Variants in CDH13 observed in about 807,000 individuals in gnomAD.
CDH13 encodes cadherin-13.
In CDH13, 24 loss-of-function variants were observed where a neutral mutation model predicts 63.8. The observed-to-expected ratio is 0.38, with a 90% CI of 0.27 to 0.53. The LOEUF (loss-of-function observed/expected upper bound fraction) is 0.53. CDH13 is among the 20% of genes least tolerant of loss of function. The pLI, the probability that CDH13 is intolerant of heterozygous loss-of-function variation, is 0.85. For synonymous variants in CDH13, 503 were observed against 355.3 expected, an observed-to-expected ratio of 1.42 and a Z score of -4.67; for missense variants, 1,049 against 903.1, an observed-to-expected ratio of 1.16 and a Z score of -2.07.
chr16:83,430,463 TC>T (rs1471861483), intron 6 of CDH13, among the ~76,000 whole-genome samples: 1 of 152,206 alleles, frequency 6.6e-6, no homozygotes, highest in Non-Finnish European at 1.5e-5. Flanking sequence ...CTTATTTACT[TC>T]CACTTTATTC....
intron 5 of CDH13, among the ~76,000 whole-genome samples, chr16:83,323,505 G>T (rs537425272): frequency 6.6e-6 from 1 of 151,560 alleles, no homozygotes; most frequent in South Asian, 2.1e-4. Context: ...GCTCTCAAAC[G>T]CCTGACTTCA....
chr16:83,757,347 G>A (rs1913593791), intron 11 of CDH13, among the ~76,000 whole-genome samples: 1 of 152,140 alleles, frequency 6.6e-6, no homozygotes. Context: ...GGAGGCTGAG[G>A]CGGGTGAATC....
At chr16:83,653,801 G>C (rs942532864) in intron 8 of CDH13, among the ~76,000 whole-genome samples, 5 of 152,082 alleles carry the variant, frequency 3.3e-5, no homozygotes, top group Non-Finnish European at 5.9e-5. Flanking sequence ...CCCACATAGG[G>C]ACAACACTCA....
At chr16:83,736,312 C>T (rs539181585) in intron 10 of CDH13, among the ~76,000 whole-genome samples, 1 of 152,186 alleles carries the variant, frequency 6.6e-6, no homozygotes, top group African/African-American at 2.4e-5. Flanking sequence ...AATCGGATAG[C>T]TTCTGAAGTC....
At chr16:83,605,197 G>T (rs550514517) in intron 8 of CDH13, among the ~76,000 whole-genome samples, 4 of 152,306 alleles carry the variant, frequency 2.6e-5, no homozygotes, top group East Asian at 3.9e-4. Context: ...AAAAGGCAGA[G>T]CTGATACCTA....
intron 5 of CDH13, among the ~76,000 whole-genome samples, chr16:83,261,001 A>T (rs1212496232): frequency 6.6e-6 from 1 of 152,022 alleles, no homozygotes; most frequent in Non-Finnish European, 1.5e-5. Context: ...AGGCCATTGG[A>T]CTGAAGCAGC....
chr16:83,607,187 G>A (rs1194644213), intron 8 of CDH13, among the ~76,000 whole-genome samples: 7 of 152,274 alleles, frequency 4.6e-5, no homozygotes, highest in African/African-American at 1.4e-4. Flanking sequence ...GGAGGCCGAG[G>A]TGGGTGGATC....
chr16:82,751,118 A>C (rs1383480196), intron 1 of CDH13, among the ~76,000 whole-genome samples: 3 of 152,098 alleles, frequency 2.0e-5, no homozygotes, highest in African/African-American at 7.2e-5. Flanking sequence ...AATCTTCAGT[A>C]TGTGCTTTTA....
At chr16:83,445,059 G>A (rs567584274) in intron 6 of CDH13, among the ~76,000 whole-genome samples, 5 of 152,044 alleles carry the variant, frequency 3.3e-5, no homozygotes, top group South Asian at 4.2e-4. Context: ...TGCCTTTCAG[G>A]GATTATTTAT....
chr16:83,430,446 GT>G (rs1369724859), intron 6 of CDH13, among the ~76,000 whole-genome samples: 2 of 152,206 alleles, frequency 1.3e-5, no homozygotes, highest in Non-Finnish European at 2.9e-5. Context: ...AGCTAAAGTA[GT>G]TGACTCTTAT....
At chr16:82,906,726 G>A (rs944512264) in intron 2 of CDH13, among the ~76,000 whole-genome samples, 1 of 152,148 alleles carries the variant, frequency 6.6e-6, no homozygotes, top group African/African-American at 2.4e-5. Flanking sequence ...CGGCAGGGCT[G>A]TACTCCCTCC....
intron 3 of CDH13, among the ~76,000 whole-genome samples, chr16:83,042,545 C>G (rs540807926): frequency 7.2e-5 from 11 of 152,208 alleles, no homozygotes; most frequent in African/African-American, 2.4e-4. Flanking sequence ...TTACAATTAA[C>G]TAATAATAGA....
At chr16:83,205,951 G>T (rs1269528145) in intron 4 of CDH13, among the ~76,000 whole-genome samples, 1 of 152,084 alleles carries the variant, frequency 6.6e-6, no homozygotes, top group Non-Finnish European at 1.5e-5. Context: ...TGACCATGAG[G>T]CTGAGCGAAT....
At chr16:83,234,543 G>A (rs1483959320) in intron 5 of CDH13, among the ~76,000 whole-genome samples, 5 of 152,158 alleles carry the variant, frequency 3.3e-5, no homozygotes, top group Non-Finnish European at 5.9e-5. Flanking sequence ...TGCAACTGAT[G>A]CTAAACAACA....
At chr16:83,691,697 A>G (rs943948815) in intron 10 of CDH13, among the ~76,000 whole-genome samples, 1 of 152,042 alleles carries the variant, frequency 6.6e-6, no homozygotes, top group African/African-American at 2.4e-5. Context: ...TGCAGGCCCC[A>G]GGGTAGAGTG....
intron 3 of CDH13, among the ~76,000 whole-genome samples, chr16:83,099,573 C>T (rs1238112983): frequency 6.6e-6 from 1 of 151,680 alleles, no homozygotes; most frequent in Non-Finnish European, 1.5e-5. Flanking sequence ...ATCTACCTAA[C>T]TCAGCCTCCC....
intron 10 of CDH13, among the ~76,000 whole-genome samples, chr16:83,729,174 G>A (rs1398272672): frequency 1.3e-5 from 2 of 152,012 alleles, no homozygotes; most frequent in African/African-American, 2.4e-5. Flanking sequence ...AATTTGGGGG[G>A]AACAGCAACA....
At chr16:83,051,944 T>G (rs1351152673) in intron 3 of CDH13, among the ~76,000 whole-genome samples, 1 of 152,098 alleles carries the variant, frequency 6.6e-6, no homozygotes, top group African/African-American at 2.4e-5. Context: ...ATTTTTTTTT[T>G]GTTGTTAACT....
chr16:82,735,496 C>A (rs191561749), intron 1 of CDH13, among the ~76,000 whole-genome samples: 328 of 152,326 alleles, frequency 2.2e-3, no homozygotes, highest in African/African-American at 7.6e-3. Context: ...ATTTGAGATT[C>A]TGCTAAAGCT....
Sources: gnomAD v4.1 joint callset for allele counts (sites outside exome capture counted in the v4.1 genomes callset) on GRCh38, gnomAD v4.1.1 for gene constraint, MANE v1.5 for transcripts, NCBI Gene and HGNC (gene_info 2026-07-23, HGNC 2026-07-21) for gene names.